Variants in FAM120AOS observed in about 807,000 individuals in gnomAD.
FAM120AOS encodes the protein uncharacterized protein FAM120AOS.
FAM120AOS carries 15 observed loss-of-function variants against 20.2 expected under a neutral mutation model. The observed-to-expected ratio is 0.74, with a 90% confidence interval of 0.50 to 1.15. The LOEUF is 1.15. FAM120AOS is among the 50% of genes most tolerant of loss of function. The pLI is 0.00. For synonymous variants in FAM120AOS, 154 were observed against 154.0 expected, an observed-to-expected ratio of 1.00 and a Z score of 0.00; for missense variants, 327 against 351.9, an observed-to-expected ratio of 0.93 and a Z score of 0.57.
rs71364380 is a variant in FAM120AOS at position 93,445,583 on chromosome 9, GTTTTTTTTTTTTT to G, written c.*2015_*2027del. On this transcript the variant is annotated 3_prime_UTR_variant, in exon 3 of 3. Transcript: ENST00000375412. ...TTCTCCAACTTTCATAAAAATCGTT[GTTTTTTTTTTTTT>G]TTTTTTTTTTTGAGACAAGGCCTCA... Among the ~76,000 whole-genome samples the G allele has an allele frequency of 1.2e-5, 1 of 80,098 alleles. No homozygotes were observed. Among genetic ancestry groups the G allele is most frequent in the Non-Finnish European group, 2.2e-5 (1 of 44,654 alleles). The allele number at this position is 80,098 out of a possible 152,430, so 52.5% of individuals were successfully genotyped here. A position where few individuals can be genotyped will look rare whatever the true frequency, so the allele number is the denominator to read the frequency against.
In FAM120AOS at chr9:93,444,545, G is replaced by A. The variant is rs1202547350; in HGVS notation, c.*3066C>T. 1.3e-5 allele frequency among the ~76,000 whole-genome samples: 2 copies of A among 151,940 alleles called. No individual in the cohort carries two copies. Among genetic ancestry groups the A allele is most frequent in the Admixed American group, 1.3e-4 (2 of 15,250 alleles). ...TCAGCAAACAAGTTAACCATATTTG[G>A]CACAGGATTTCTAGACCTGTAGGTT... On this transcript the variant is annotated 3_prime_UTR_variant, in exon 3 of 3. Coordinates refer to ENST00000375412, the MANE Select transcript of FAM120AOS (RefSeq NM_198841.4).
rs1856860918 is a variant in FAM120AOS at position 93,446,826 on chromosome 9, G to A, written c.*785C>T. On this transcript the variant is annotated 3_prime_UTR_variant, in exon 3 of 3. Transcript: ENST00000375412. ...GACACAAGTTTGGTGAACACGGTAA[G>A]AAAAAAACAAACCAAGCAACAAAAA... is the stretch of plus-strand genomic sequence containing the variant. 2 of 152,074 alleles carry A rather than the reference G, an allele frequency of 1.3e-5. No homozygotes were observed. The highest frequency in any genetic ancestry group is 6.6e-5 in the Admixed American group (1 of 15,258). 9.4% of individuals were successfully genotyped at this position (152,074 alleles called of 1,614,324 possible).
intron 1 of FAM120AOS, chr9:93,451,396 G>C (rs1206892312): frequency 1.4e-6 from 2 of 1,387,526 alleles, no homozygotes; most frequent in Non-Finnish European, 1.9e-6. Flanking sequence ...TGGCCCTGCC[G>C]GGAACAGGGC....
rs866744809 is a variant in FAM120AOS, at chr9:93,451,867, G to A, written c.563+280C>T. 5.1e-4 allele frequency: 427 copies of A among 843,726 alleles called. 1 individual carries two copies. The African/African-American group carries it at 0.012, about 23-fold the overall frequency. The allele number at this position is 843,726 out of a possible 1,614,324, so 52.3% of individuals were successfully genotyped here. On this transcript the variant is annotated intron_variant, in intron 1 of 2. Coordinates refer to ENST00000375412, the MANE Select transcript of FAM120AOS (RefSeq NM_198841.4). ...CGCGCGCCACGGCCCCACCACCCCC[G>A]GCCCCGCCGCCCCCCGCCCGCACCC...
Position 93,447,301 on chromosome 9 carries a change from T to TAG in FAM120AOS, c.*309_*310insCT. The TAG allele has an allele frequency of 3.7e-6, 1 of 273,030 alleles. No individual in the cohort carries two copies. The highest frequency in any genetic ancestry group is 7.0e-6 in the Non-Finnish European group (1 of 142,584). The allele number at this position is 273,030 out of a possible 1,614,324, so 16.9% of individuals were successfully genotyped here. ...TTGAAGAAGGGTTATGTTTTCTTCA[T>TAG]CTCCATATCCCCAGTAGCTGGCCAA... On this transcript the variant is annotated 3_prime_UTR_variant, in exon 3 of 3. Transcript: ENST00000375412.
At chr9:93,449,927 A>C (rs1464753453) in intron 2 of FAM120AOS, among the ~76,000 whole-genome samples, 2 of 152,152 alleles carry the variant, frequency 1.3e-5, no homozygotes, top group Non-Finnish European at 2.9e-5. Flanking sequence ...TTATAAAAGC[A>C]AATTTGGATA....
At chr9:93,451,233 C>G in intron 1 of FAM120AOS, 1 of 1,523,268 alleles carries the variant, frequency 6.6e-7, no homozygotes, top group East Asian at 2.5e-5. Context: ...GTTAGAAAGG[C>G]GGCGTCCCGA....
chr9:93,449,362 A>G (rs1856987986), intron 2 of FAM120AOS, among the ~76,000 whole-genome samples: 1 of 152,188 alleles, frequency 6.6e-6, no homozygotes, highest in African/African-American at 2.4e-5. Flanking sequence ...TCAATAAGGT[A>G]AATATTTTTG....
At chr9:93,451,733 G>T in intron 1 of FAM120AOS, 1 of 980,400 alleles carries the variant, frequency 1.0e-6, no homozygotes, top group Non-Finnish European at 1.2e-6. Context: ...TCCCTCCCCA[G>T]ACATGGCCCT....
In FAM120AOS at chr9:93,452,669, G is replaced by A; in HGVS notation, c.41C>T (p.Ala14Val). Residue 14 changes from alanine (A) to valine (V), a missense_variant, in exon 1 of 3, where the codon GCC (alanine) becomes GTC (valine). Transcript: ENST00000375412. The surrounding 1 kb of genome is among the most constrained non-coding windows in gnomAD (Gnocchi z 7.0). ...TKDIGDDDTV[A>V]SEFWSGALSQ... ...GAGAGCCCCGGACCAGAATTCGGAG[G>A]CGACAGTGTCATCATCCCCAATATC... 6.3e-7 allele frequency: 1 copy of A among 1,598,880 alleles called. No individual in the cohort carries two copies. The highest frequency in any genetic ancestry group is 8.5e-7 in the Non-Finnish European group (1 of 1,179,914).
intron 1 of FAM120AOS, chr9:93,451,024 G>A: frequency 2.6e-6 from 4 of 1,547,492 alleles, no homozygotes; most frequent in South Asian, 2.4e-5. Flanking sequence ...GGTGTGTTTG[G>A]CCATGTCATT....
At position 93,443,890 on chromosome 9, in the gene FAM120AOS, C is replaced by A. The variant is rs1459966287; in HGVS notation, c.*3721G>T. Among the ~76,000 whole-genome samples, 6 of 152,164 alleles carry A rather than the reference C, an allele frequency of 3.9e-5. No individual in the cohort carries two copies. On this transcript the variant is annotated 3_prime_UTR_variant, in exon 3 of 3. Coordinates refer to ENST00000375412, the MANE Select transcript of FAM120AOS (RefSeq NM_198841.4). ...GATGATTACCTGCCTACACTGCCTG[C>A]TCATTTTGCCAAAAGGAACGCCCCT... is the stretch of plus-strand genomic sequence containing the variant.
rs993867353 is a variant in FAM120AOS, at chr9:93,443,530, T to C, written c.*4081A>G. On this transcript the variant is annotated 3_prime_UTR_variant, in exon 3 of 3. Transcript: ENST00000375412. ...TGCAGTGAGGACTGTCTGTTTTATG[T>C]TGGGAGACTCTGTGTTCTGCTAAAA... 2.0e-5 allele frequency among the ~76,000 whole-genome samples: 3 copies of C among 152,236 alleles called. No homozygotes were observed. Among genetic ancestry groups the C allele is most frequent in the Non-Finnish European group, 4.4e-5 (3 of 68,032 alleles).
In FAM120AOS at chr9:93,453,565, T is replaced by A. The variant is rs1212568430; in HGVS notation, c.-856A>T. 4 of 985,176 alleles carry A rather than the reference T, an allele frequency of 4.1e-6. No individual in the cohort carries two copies. Among genetic ancestry groups the A allele is most frequent in the Non-Finnish European group, 4.8e-6 (4 of 829,916 alleles). 61.0% of individuals were successfully genotyped at this position (985,176 alleles called of 1,614,324 possible). On this transcript the variant is annotated 5_prime_UTR_variant, in exon 1 of 3. Coordinates refer to ENST00000375412, the MANE Select transcript of FAM120AOS (RefSeq NM_198841.4). ...GTTGCCCCCACTGCCCGCGAGGAGA[T>A]GGTGGTAGTTAAGCCTAAAATGATA...
chr9:93,451,150 C>A lies in FAM120AOS; in HGVS notation c.564-551G>T, dbSNP rs768144383. Reference sequence around the variant, plus strand: ...TTTCCAAGAAGCCAGGCGCGGCCGGCCAGCATCCCGCTCTCCCGGACCCCG... The same window carrying A: ...TTTCCAAGAAGCCAGGCGCGGCCGGACAGCATCCCGCTCTCCCGGACCCCG... On this transcript the variant is annotated intron_variant, in intron 1 of 2. Coordinates refer to ENST00000375412, the MANE Select transcript of FAM120AOS (RefSeq NM_198841.4). 4.3e-5 allele frequency: 67 copies of A among 1,550,380 alleles called. No homozygotes were observed. In the Admixed American group the frequency reaches 8.6e-4, roughly 20 times the overall value.
chr9:93,450,402 A>G, intron 2 of FAM120AOS, 77 bp downstream of exon 2: 1 of 1,498,274 alleles, frequency 6.7e-7, no homozygotes, highest in Non-Finnish European at 8.9e-7. Context: ...TACCAGCAGC[A>G]TTTAATTTAT....
chr9:93,450,937 C>T, intron 1 of FAM120AOS: 1 of 1,311,620 alleles, frequency 7.6e-7, no homozygotes, highest in Non-Finnish European at 1.1e-6. Flanking sequence ...TCCCACGCTG[C>T]AACAGACCTG....
intron 1 of FAM120AOS, chr9:93,451,052 C>G: frequency 1.3e-6 from 2 of 1,550,626 alleles, no homozygotes; most frequent in Non-Finnish European, 1.7e-6. Flanking sequence ...GGTGTAAAAA[C>G]CACAACCGAG....
chr9:93,451,296 C>T (rs1358078383), intron 1 of FAM120AOS: 12 of 1,465,566 alleles, frequency 8.2e-6, no homozygotes, highest in Non-Finnish European at 1.1e-5. Flanking sequence ...CTTATCGCTG[C>T]TTCCCTCAGG....
Sources: gnomAD v4.1 joint callset for allele counts (sites outside exome capture counted in the v4.1 genomes callset) on GRCh38, gnomAD v4.1.1 for gene constraint, Gnocchi (gnomAD v3.1) non-coding constraint, MANE v1.5 for transcripts, NCBI Gene and HGNC (gene_info 2026-07-23, HGNC 2026-07-21) for gene names.